The following ECE1 variants were observed in gnomAD, a reference collection of about 807,000 sequenced individuals.
ECE1 encodes endothelin-converting enzyme 1.
Under a neutral mutation model 98.6 loss-of-function variants are expected in ECE1, and 35 were observed. The ratio of observed to expected loss-of-function variants is 0.35; its 90% CI spans 0.27 to 0.47. The LOEUF is 0.47. Ranked by LOEUF, ECE1 falls within the 20% of genes least tolerant of loss-of-function variation. ECE1 has a pLI of 1.00. For missense variants in ECE1, 814 were observed against 1,025.3 expected, an observed-to-expected ratio of 0.79 and a Z score of 2.81; for synonymous variants, 394 against 407.1, an observed-to-expected ratio of 0.97 and a Z score of 0.39.
intron 14 of ECE1, among the ~76,000 whole-genome samples, chr1:21,232,100 T>C (rs927809197): frequency 1.3e-5 from 2 of 152,148 alleles, no homozygotes; most frequent in African/African-American, 2.4e-5. Context: ...GTGTCCTGGT[T>C]GGAGGCTGGA....
chr1:21,292,028 C>T (rs1385684766), upstream of ECE1, among the ~76,000 whole-genome samples: 4 of 151,266 alleles, frequency 2.6e-5, no homozygotes, highest in South Asian at 2.1e-4. Context: ...TGGTGGTATG[C>T]GCCTGTAGTC....
intron 1 of ECE1, among the ~76,000 whole-genome samples, chr1:21,321,035 C>T (rs905970415): frequency 6.6e-6 from 1 of 151,994 alleles, no homozygotes; most frequent in Admixed American, 6.5e-5. Context: ...CAGATATTTT[C>T]CCACATAATC....
chr1:21,315,314 G>A (rs949724933), intron 1 of ECE1, among the ~76,000 whole-genome samples: 2 of 152,206 alleles, frequency 1.3e-5, no homozygotes, highest in African/African-American at 4.8e-5. Flanking sequence ...TGAATCCGAT[G>A]CCTACTGGGG....
At chr1:21,278,193 G>T (rs1369220873) in intron 3 of ECE1, among the ~76,000 whole-genome samples, 2 of 152,230 alleles carry the variant, frequency 1.3e-5, no homozygotes, top group African/African-American at 4.8e-5. Flanking sequence ...GGGCACAGGG[G>T]ACTGAGAGGC....
chr1:21,328,635 C>A (rs61781577), intron 1 of ECE1, among the ~76,000 whole-genome samples: 1 of 151,870 alleles, frequency 6.6e-6, no homozygotes, highest in Non-Finnish European at 1.5e-5. Context: ...TGGTGGCGGG[C>A]GCCTGTGATC....
chr1:21,250,823 G>C (rs542835494), intron 8 of ECE1, among the ~76,000 whole-genome samples: 3 of 152,018 alleles, frequency 2.0e-5, no homozygotes, highest in Non-Finnish European at 4.4e-5. Context: ...CTGACTAAGA[G>C]GGTGAAACCC....
rs1638628126 is a variant in ECE1, at chr1:21,307,626, C to T, written c.4-17470G>A. On this transcript the variant is annotated intron_variant, in intron 1 of 18. Coordinates refer to the ECE1 transcript ENST00000415912. This position sits in a 1 kb window ranked among gnomAD's most constrained non-coding sequence, Gnocchi z 4.2. The stretch of plus-strand genomic sequence containing the variant: ...CAGGAGGCATTCCTGTCATTTGTCC[C>T]CACTGGGTCTGGGGCTGGGGCTTCT... 6.6e-6 allele frequency among the ~76,000 whole-genome samples: 1 copy of T among 152,180 alleles called. No individual in the cohort carries two copies. Among genetic ancestry groups the T allele is most frequent in the African/African-American group, 2.4e-5 (1 of 41,440 alleles).
At chr1:21,311,003 C>T (rs1638711699) in intron 1 of ECE1, among the ~76,000 whole-genome samples, 1 of 152,194 alleles carries the variant, frequency 6.6e-6, no homozygotes, top group Non-Finnish European at 1.5e-5. Context: ...CAGCTCAGTG[C>T]CCCTGTGAGG....
Position 21,319,726 on chromosome 1 carries a change from C to T in ECE1, c.3+25650G>A, listed in dbSNP as rs1037931148. Among the ~76,000 whole-genome samples, 8 of 152,198 alleles carry T rather than the reference C, an allele frequency of 5.3e-5. No homozygotes were observed. The highest frequency in any genetic ancestry group is 7.2e-5 in the African/African-American group (3 of 41,444). On this transcript the variant is annotated intron_variant, in intron 1 of 18. Coordinates refer to the ECE1 transcript ENST00000415912. The surrounding 1 kb of genome is among the most constrained non-coding windows in gnomAD (Gnocchi z 4.4). ...ACTCCCTACCAGGCACCGGGAGGCA[C>T]GGCTCACTGTTCCCTAGTTTGTCTT... is the stretch of plus-strand genomic sequence containing the variant.
chr1:21,333,047 C>T (rs1038697450), intron 1 of ECE1, among the ~76,000 whole-genome samples: 1 of 152,160 alleles, frequency 6.6e-6, no homozygotes, highest in Non-Finnish European at 1.5e-5. Flanking sequence ...CCTCACTTCA[C>T]AGATGGGAAA....
At chr1:21,321,723 C>T (rs1468154052) in intron 1 of ECE1, among the ~76,000 whole-genome samples, 2 of 152,196 alleles carry the variant, frequency 1.3e-5, no homozygotes, top group Non-Finnish European at 2.9e-5. Context: ...TCAAGCGATT[C>T]TCCTGCCTCA....
chr1:21,227,967 A>G lies in ECE1; in HGVS notation c.1745T>C (p.Ile582Thr). The G allele has an allele frequency of 6.4e-7, 1 of 1,556,644 alleles. No homozygotes were observed. The highest frequency in any genetic ancestry group is 2.4e-5 in the East Asian group (1 of 41,544). The part of the protein sequence containing the change: ...TKNEIVFPAG[I>T]LQAPFYTRSS... Reference sequence around the variant, plus strand: ...GCGTGTGTAGAATGGTGCCTGCAGGATCCCGGCCGGAAACACAATCTCATT... The same window carrying G: ...GCGTGTGTAGAATGGTGCCTGCAGGGTCCCGGCCGGAAACACAATCTCATT... Residue 582 changes from isoleucine to threonine, a missense_variant, in exon 15 of 19, where the codon ATC (isoleucine) becomes ACC (threonine). Physicochemically the swap from Ile to Thr is moderately conservative, Grantham distance 89. Transcript: ENST00000374893.
At chr1:21,335,531 T>G (rs560162664) in intron 1 of ECE1, among the ~76,000 whole-genome samples, 3 of 152,256 alleles carry the variant, frequency 2.0e-5, no homozygotes, top group African/African-American at 4.8e-5. Context: ...AGCCAGGGAA[T>G]AGCAGGGTTC....
In ECE1 at chr1:21,260,170, GTA is replaced by G; in HGVS notation, c.615+99_615+100del. ...TTTCTCTTGGTGCTACCGGCTGGAC[GTA>G]TGAGGTGGGCCAGTGGTACCAGAAG... On this transcript the variant is annotated intron_variant, in intron 5 of 18. Transcript: ENST00000374893. This position sits in a 1 kb window ranked among gnomAD's most constrained non-coding sequence, Gnocchi z 4.3. 6.5e-7 allele frequency: 1 copy of G among 1,532,080 alleles called. No homozygotes were observed. Among genetic ancestry groups the G allele is most frequent in the Non-Finnish European group, 9.0e-7 (1 of 1,106,900 alleles). 94.9% of individuals were successfully genotyped at this position (1,532,080 alleles called of 1,614,324 possible).
intron 12 of ECE1, 28 bp downstream of exon 12, chr1:21,236,718 C>A (rs760976633): frequency 1.2e-6 from 2 of 1,606,704 alleles, no homozygotes; most frequent in Middle Eastern, 1.8e-4. Context: ...CGCCGCAGCA[C>A]CCCCTCCAAG....
At chr1:21,341,065 C>T (rs1255315471) in intron 1 of ECE1, among the ~76,000 whole-genome samples, 3 of 151,990 alleles carry the variant, frequency 2.0e-5, no homozygotes, top group Non-Finnish European at 1.5e-5. Flanking sequence ...TTCCCAGTCC[C>T]ACTCGCTCTT....
At position 21,245,051 on chromosome 1, in the gene ECE1, G is replaced by A; in HGVS notation, c.1216C>T (p.Leu406Phe). 1 of 1,614,202 alleles carries A rather than the reference G, an allele frequency of 6.2e-7. No individual in the cohort carries two copies. The change falls in exon 10 of 19, where the codon CTT becomes TTT. Residue 406 changes from leucine to phenylalanine, a missense_variant. Leu to Phe is a conservative substitution (Grantham distance 22). Coordinates refer to ENST00000374893, the MANE Select transcript of ECE1 (RefSeq NM_001397.3). ...WNLVRKTSSF[L>F]DQRFQDADEK... ...TCGGCGTCCTGAAAGCGCTGGTCAA[G>A]GAAGGAGCTTGTTTTCCGCACCAGG... is the stretch of plus-strand genomic sequence containing the variant.
At chr1:21,248,995 C>T (rs7540103) in intron 8 of ECE1, among the ~76,000 whole-genome samples, 2,468 of 152,162 alleles carry the variant, frequency 0.016, 52 homozygotes, top group African/African-American at 0.05. Context: ...GCTTTCCCCA[C>T]GGCAGCCTCC....
intron 4 of ECE1, among the ~76,000 whole-genome samples, chr1:21,262,235 G>A (rs529832274): frequency 2.0e-5 from 3 of 152,242 alleles, no homozygotes; most frequent in East Asian, 1.9e-4. Context: ...TGGAGGGTTC[G>A]TACAGCCCTG....
Sources: gnomAD v4.1 joint callset for allele counts (sites outside exome capture counted in the v4.1 genomes callset) on GRCh38, gnomAD v4.1.1 for gene constraint, Gnocchi (gnomAD v3.1) non-coding constraint, MANE v1.5 for transcripts, NCBI Gene and HGNC (gene_info 2026-07-23, HGNC 2026-07-21) for gene names.